NMRK1: variants seen among roughly 807,000 people sequenced by gnomAD.
The protein encoded by NMRK1 is NRK 1.
In NMRK1, 28 loss-of-function variants were observed where a neutral mutation model predicts 29.9. That is an observed-to-expected ratio of 0.94 (90% CI 0.69 to 1.28). NMRK1 has a LOEUF of 1.28. Ranked by LOEUF, NMRK1 falls within the 50% of genes most tolerant of loss-of-function variation. The pLI is 0.00. For missense variants in NMRK1, 218 were observed against 233.1 expected (o/e 0.94, Z 0.42); for synonymous variants, 58 against 73.0 (o/e 0.79, Z 1.05).
chr9:75,085,735 T>G (rs923325318), intron 1 of NMRK1, among the ~76,000 whole-genome samples: 15 of 142,886 alleles, frequency 1.0e-4, no homozygotes, highest in Admixed American at 3.5e-4. Context: ...AGTTTTTTTT[T>G]TTTTTTTTTT....
At chr9:75,084,705 G>A (rs973745874) in intron 1 of NMRK1, among the ~76,000 whole-genome samples, 1 of 152,188 alleles carries the variant, frequency 6.6e-6, no homozygotes, top group African/African-American at 2.4e-5. Flanking sequence ...TGGGAGGATT[G>A]CTTGAGCCTA....
chr9:75,074,789 T>A (rs908976627), intron 4 of NMRK1, among the ~76,000 whole-genome samples: 1 of 152,260 alleles, frequency 6.6e-6, no homozygotes, highest in Non-Finnish European at 1.5e-5. Flanking sequence ...GTTCCACATT[T>A]TAAAACTATC....
At chr9:75,081,371 T>C (rs568073600) in intron 2 of NMRK1, among the ~76,000 whole-genome samples, 16 of 152,258 alleles carry the variant, frequency 1.1e-4, no homozygotes, top group South Asian at 4.1e-4. Context: ...GATGGGAAGA[T>C]TGTTTGAGGT....
intron 2 of NMRK1, among the ~76,000 whole-genome samples, chr9:75,080,630 CGA>C (rs1421372630): frequency 6.6e-6 from 1 of 152,044 alleles, no homozygotes; most frequent in Non-Finnish European, 1.5e-5. Context: ...CCAGCCTGGG[CGA>C]GCAAGACTCT....
chr9:75,064,164 T>G (rs529802241), intron 8 of NMRK1, among the ~76,000 whole-genome samples: 1 of 152,264 alleles, frequency 6.6e-6, no homozygotes, highest in East Asian at 1.9e-4. Context: ...GAATTTGGAA[T>G]GGAGCTGGTT....
chr9:75,060,807 C>G lies in NMRK1; in HGVS notation c.*741G>C, dbSNP rs1389379332. ...GAGGGGGGAGAAAGAAACCAGAAAC[C>G]CTATTTGTAACAAAGTCTCAACAAT... On this transcript the variant is annotated 3_prime_UTR_variant, in exon 9 of 9. Coordinates refer to ENST00000361092, the MANE Select transcript of NMRK1 (RefSeq NM_017881.3). 6.8e-6 allele frequency: 1 copy of G among 147,512 alleles called. No individual in the cohort carries two copies. Among genetic ancestry groups the G allele is most frequent in the African/African-American group, 2.6e-5 (1 of 39,158 alleles). The allele number at this position is 147,512 out of a possible 1,614,324, so 9.1% of individuals were successfully genotyped here. A position where few individuals can be genotyped will look rare whatever the true frequency, so the allele number is the denominator to read the frequency against.
intron 2 of NMRK1, 65 bp from the exon 3 acceptor site, chr9:75,077,645 T>G (rs1252410746): frequency 8.2e-7 from 1 of 1,220,740 alleles, no homozygotes; most frequent in Non-Finnish European, 1.2e-6. Flanking sequence ...AACACTTTTT[T>G]TTTTTTGAGA....
At chr9:75,086,845 C>T (rs1824670406) in intron 1 of NMRK1, among the ~76,000 whole-genome samples, 1 of 151,666 alleles carries the variant, frequency 6.6e-6, no homozygotes. Context: ...GGAGATAGGG[C>T]AGTCTTTTCC....
Position 75,069,979 on chromosome 9 carries a change from C to T in NMRK1, c.233G>A (p.Arg78Lys). 1 of 1,613,920 alleles carries T rather than the reference C, an allele frequency of 6.2e-7. No individual in the cohort carries two copies. The highest frequency in any genetic ancestry group is 1.3e-5 in the African/African-American group (1 of 75,044). Residue 78 changes from arginine to lysine, a missense_variant, in exon 5 of 9, where the codon AGA becomes AAA. Transcript: ENST00000361092. ...CTGGTCTGTTGATACCACAGAGTGTCTTGCGCTTTCCATCCAGCAGGAAAT... is the reference window on the plus strand; with the variant it reads ...CTGGTCTGTTGATACCACAGAGTGTTTTGCGCTTTCCATCCAGCAGGAAAT... ...SAISCWMESA[R>K]HSVVSTDQES...
chr9:75,082,359 G>C (rs544208087), intron 2 of NMRK1, among the ~76,000 whole-genome samples: 1 of 152,306 alleles, frequency 6.6e-6, no homozygotes, highest in East Asian at 1.9e-4. Context: ...TCTGATTGAT[G>C]ACTTACTATG....
intron 7 of NMRK1, among the ~76,000 whole-genome samples, chr9:75,067,792 CTG>C (rs1384470144): frequency 3.9e-5 from 6 of 152,206 alleles, no homozygotes; most frequent in Non-Finnish European, 5.9e-5. Flanking sequence ...GGGGTACACT[CTG>C]TGTGCATTCC....
intron 5 of NMRK1, 26 bp from the exon 6 acceptor site, chr9:75,069,839 CA>C (rs1366707184): frequency 1.2e-6 from 2 of 1,612,128 alleles, no homozygotes; most frequent in East Asian, 2.2e-5. Context: ...ACTTAGTTCA[CA>C]AGGGTTTTTA....
chr9:75,076,907 T>C (rs1234810603), intron 4 of NMRK1, among the ~76,000 whole-genome samples: 2 of 152,220 alleles, frequency 1.3e-5, no homozygotes, highest in African/African-American at 4.8e-5. Context: ...GTGTTTTCAG[T>C]TTTAAATATA....
chr9:75,083,029 A>C (rs1212068740), intron 2 of NMRK1, 58 bp downstream of exon 2: 3 of 1,275,048 alleles, frequency 2.4e-6, no homozygotes, highest in Non-Finnish European at 3.4e-6. Flanking sequence ...ATCCACACAG[A>C]AACACCATTT....
At chr9:75,063,818 C>G (rs985323292) in intron 8 of NMRK1, among the ~76,000 whole-genome samples, 1 of 152,156 alleles carries the variant, frequency 6.6e-6, no homozygotes, top group South Asian at 2.1e-4. Context: ...GAAAGCTTTG[C>G]CAGGATACTG....
At chr9:75,069,250 CAGTT>C (rs1823553049) in intron 6 of NMRK1, 148 bp from the exon 7 acceptor site, 2 of 568,598 alleles carry the variant, frequency 3.5e-6, no homozygotes, top group Admixed American at 3.1e-5. Context: ...AACTCAATGG[CAGTT>C]AGAACGACAG....
At chr9:75,079,748 G>A (rs935521356) in intron 2 of NMRK1, among the ~76,000 whole-genome samples, 4 of 152,038 alleles carry the variant, frequency 2.6e-5, no homozygotes, top group African/African-American at 9.7e-5. Flanking sequence ...AAGGGAATAG[G>A]ATGGGGGAAA....
At position 75,077,163 on chromosome 9, in the gene NMRK1, G is replaced by A. The variant is rs776599126; in HGVS notation, c.165C>T (p.Tyr55=). ...IETDKNGFLQ[Y]DVLEALNMEK... ...TTGACAAGTAAATCTACTTACCATC[G>A]TACTGCAAAAATCCATTTTTATCTG... The change falls in exon 4 of 9, where the codon TAC becomes TAT. Residue 55 remains tyrosine, a synonymous_variant. Transcript: ENST00000361092. 5 of 1,572,206 alleles carry A rather than the reference G, an allele frequency of 3.2e-6. No homozygotes were observed. Among genetic ancestry groups the A allele is most frequent in the African/African-American group, 2.7e-5 (2 of 73,838 alleles).
intron 7 of NMRK1, among the ~76,000 whole-genome samples, chr9:75,068,325 A>G (rs2118051280): frequency 6.6e-6 from 1 of 152,282 alleles, no homozygotes; most frequent in Non-Finnish European, 1.5e-5. Flanking sequence ...CTCTGAGAAC[A>G]ATGATCAAAG....
Sources: allele counts gnomAD v4.1 joint callset (sites outside exome capture counted in the v4.1 genomes callset), GRCh38; gene constraint gnomAD v4.1.1; transcripts MANE v1.5; gene names NCBI Gene and HGNC (gene_info 2026-07-23, HGNC 2026-07-21).